The following ZNF236 variants were observed in gnomAD, a reference collection of about 807,000 sequenced individuals.
The protein encoded by ZNF236 is zinc finger protein 236.
A neutral mutation model predicts 191.2 loss-of-function variants in ZNF236; 50 were observed. The ratio of observed to expected loss-of-function variants is 0.26; its 90% CI spans 0.21 to 0.33. The LOEUF is 0.33. Among genes scored for constraint, ZNF236 ranks in the 10% least tolerant of loss-of-function variants. The pLI, the probability that ZNF236 is intolerant of heterozygous loss-of-function variation, is 1.00. For missense variants in ZNF236, 1,754 were observed against 2,374.5 expected, an observed-to-expected ratio of 0.74 and a Z score of 5.43; for synonymous variants, 907 against 928.8, an observed-to-expected ratio of 0.98 and a Z score of 0.43.
intron 1 of ZNF236, among the ~76,000 whole-genome samples, chr18:76,839,366 ACTTT>A (rs1285880109): frequency 6.6e-6 from 1 of 151,624 alleles, no homozygotes; most frequent in Non-Finnish European, 1.5e-5. Flanking sequence ...ATTTCCAGTT[ACTTT>A]CTTTTCTCAT....
chr18:76,968,539 C>T lies in ZNF236; in HGVS notation c.*200C>T. 1 of 1,347,652 alleles carries T rather than the reference C, an allele frequency of 7.4e-7. No homozygotes were observed. Among genetic ancestry groups the T allele is most frequent in the East Asian group, 3.2e-5 (1 of 31,312 alleles). 83.5% of individuals were successfully genotyped at this position (1,347,652 alleles called of 1,614,324 possible). A position where few individuals can be genotyped will look rare whatever the true frequency, so the allele number is the denominator to read the frequency against. On this transcript the variant is annotated 3_prime_UTR_variant, in exon 31 of 31. Coordinates refer to ENST00000320610, the MANE Select transcript of ZNF236 (RefSeq NM_001306089.2). ...AGGAAAAGTGTCACCGCATTGTTCT[C>T]TTTTGTCTACAAATCACTGAACTCA...
intron 20 of ZNF236, among the ~76,000 whole-genome samples, chr18:76,920,644 A>G (rs1967507949): frequency 6.6e-6 from 1 of 152,080 alleles, no homozygotes; most frequent in Non-Finnish European, 1.5e-5. Context: ...AAATGTATCC[A>G]TTGAGGAAGG....
At chr18:76,958,288 T>C (rs1334408197) in intron 28 of ZNF236, among the ~76,000 whole-genome samples, 2 of 152,164 alleles carry the variant, frequency 1.3e-5, no homozygotes, top group Non-Finnish European at 2.9e-5. Context: ...GAGAACTAGG[T>C]TTACGTAACC....
At chr18:76,944,220 G>A (rs1256015118) in intron 26 of ZNF236, among the ~76,000 whole-genome samples, 14 of 152,230 alleles carry the variant, frequency 9.2e-5, no homozygotes, top group African/African-American at 2.9e-4. Context: ...CAGCTGTTGC[G>A]CCATTCCTCT....
rs998948032 is a variant in ZNF236 at position 76,965,931 on chromosome 18, C to T, written c.5420-2284C>T. Among the ~76,000 whole-genome samples, 5 of 152,238 alleles carry T rather than the reference C, an allele frequency of 3.3e-5. No homozygotes were observed. The East Asian group carries it at 5.8e-4, about 18-fold the overall frequency. ...AGTATAGGGAGGAACAGGTGGTGGG[C>T]GGGGCCCTAGACCTCCCAAGAGTAT... On this transcript the variant is annotated intron_variant, in intron 30 of 30. Coordinates refer to ENST00000320610, the MANE Select transcript of ZNF236 (RefSeq NM_001306089.2).
chr18:76,939,999 A>T (rs547315064), intron 26 of ZNF236, among the ~76,000 whole-genome samples: 1 of 145,956 alleles, frequency 6.9e-6, no homozygotes, highest in Admixed American at 6.8e-5. Context: ...GGGCTACCCT[A>T]GCACTGCATT....
intron 30 of ZNF236, among the ~76,000 whole-genome samples, chr18:76,963,338 GTTTTTGT>G (rs1968705107): frequency 6.6e-6 from 1 of 152,112 alleles, no homozygotes; most frequent in African/African-American, 2.4e-5. Context: ...TGATCATGTG[GTTTTTGT>G]TTTTAATTCT....
At chr18:76,854,326 C>A (rs918053978) in intron 3 of ZNF236, among the ~76,000 whole-genome samples, 3 of 152,072 alleles carry the variant, frequency 2.0e-5, no homozygotes, top group African/African-American at 7.2e-5. Context: ...TTTTTAAATA[C>A]AAAAATAGGA....
intron 26 of ZNF236, among the ~76,000 whole-genome samples, chr18:76,943,903 C>T (rs1048916553): frequency 2.6e-5 from 4 of 152,048 alleles, no homozygotes; most frequent in East Asian, 3.8e-4. Context: ...GTGTATAGGC[C>T]GGTAAAATTA....
At chr18:76,926,729 A>T (rs1275360167) in intron 22 of ZNF236, among the ~76,000 whole-genome samples, 1 of 8,158 alleles carries the variant, frequency 1.2e-4, no homozygotes, top group African/African-American at 4.4e-4. Flanking sequence ...TGATTAGACC[A>T]TGTGTGTGTA....
intron 3 of ZNF236, among the ~76,000 whole-genome samples, chr18:76,864,936 A>G (rs1367828824): frequency 2.0e-5 from 3 of 152,190 alleles, no homozygotes; most frequent in Non-Finnish European, 4.4e-5. Context: ...TAATCCAGGA[A>G]GGGAAGAAGA....
chr18:76,900,015 AG>A (rs1977544043), intron 11 of ZNF236, among the ~76,000 whole-genome samples: 1 of 152,200 alleles, frequency 6.6e-6, no homozygotes, highest in Admixed American at 6.5e-5. Context: ...TGAATTTTGG[AG>A]GACCACAAAC....
rs530708368 is a variant in ZNF236, at chr18:76,956,192, C to T, written c.5112+10C>T. On this transcript the variant is annotated intron_variant, in intron 28 of 30. Transcript: ENST00000320610. ...CGCCACGCACCTCAAGGTAGGCCCACTGTGCCAGGGCACAGCTGTGTGCCC... is the reference window on the plus strand; with the variant it reads ...CGCCACGCACCTCAAGGTAGGCCCATTGTGCCAGGGCACAGCTGTGTGCCC... 5 of 1,544,070 alleles carry T rather than the reference C, an allele frequency of 3.2e-6. No homozygotes were observed. The Admixed American group carries it at 9.8e-5, about 30-fold the overall frequency.
intron 26 of ZNF236, among the ~76,000 whole-genome samples, chr18:76,946,171 G>A (rs543104954): frequency 2.6e-5 from 4 of 152,282 alleles, no homozygotes; most frequent in African/African-American, 9.6e-5. Flanking sequence ...ATTCATGGGG[G>A]CAAGTCTTTC....
intron 1 of ZNF236, chr18:76,834,485 CT>C: frequency 2.4e-6 from 1 of 411,294 alleles, no homozygotes; most frequent in Non-Finnish European, 4.7e-6. Context: ...TACTTTTCTA[CT>C]TGGCGAGATT....
chr18:76,925,628 G>A lies in ZNF236; in HGVS notation c.4027+74G>A, dbSNP rs1414535714. The A allele has an allele frequency of 4.6e-6, 7 of 1,529,762 alleles. No homozygotes were observed. Among genetic ancestry groups the A allele is most frequent in the East Asian group, 2.3e-5 (1 of 43,860 alleles). The allele number at this position is 1,529,762 out of a possible 1,614,324, so 94.8% of individuals were successfully genotyped here. On this transcript the variant is annotated intron_variant, in intron 22 of 30. Transcript: ENST00000320610. This position sits in a 1 kb window ranked among gnomAD's most constrained non-coding sequence, Gnocchi z 5.7. ...CTGTGCTGCTTCTGTCTGTTCCCAC[G>A]ACAGAAGAGATGTTGTTTACCGTAG...
chr18:76,943,139 AAAAG>A (rs1421764699), intron 26 of ZNF236, among the ~76,000 whole-genome samples: 17 of 151,240 alleles, frequency 1.1e-4, no homozygotes, highest in Non-Finnish European at 1.8e-4. Flanking sequence ...AAAAAAAAAA[AAAAG>A]AAGAGCAAAT....
In ZNF236 at chr18:76,927,234, G is replaced by T; in HGVS notation, c.4174-43G>T. 6.2e-7 allele frequency: 1 copy of T among 1,611,814 alleles called. No homozygotes were observed. Among genetic ancestry groups the T allele is most frequent in the East Asian group, 2.2e-5 (1 of 44,818 alleles). Reference sequence around the variant, plus strand: ...GCTGTAATTCTCTTGGCATCACAGAGAAGCATGAAGTTTTCATTACAAGTA... The same window carrying T: ...GCTGTAATTCTCTTGGCATCACAGATAAGCATGAAGTTTTCATTACAAGTA... On this transcript the variant is annotated intron_variant, in intron 23 of 30. Coordinates refer to ENST00000320610, the MANE Select transcript of ZNF236 (RefSeq NM_001306089.2). The surrounding 1 kb of genome is among the most constrained non-coding windows in gnomAD (Gnocchi z 5.4).
chr18:76,903,681 C>T (rs546392373), intron 11 of ZNF236, among the ~76,000 whole-genome samples: 4 of 152,082 alleles, frequency 2.6e-5, no homozygotes, highest in South Asian at 2.1e-4. Context: ...TTAAGGAATT[C>T]GAAAGTTTAC....
Sources: allele counts gnomAD v4.1 joint callset (sites outside exome capture counted in the v4.1 genomes callset), GRCh38; gene constraint gnomAD v4.1.1; non-coding constraint Gnocchi (gnomAD v3.1); transcripts MANE v1.5; gene names NCBI Gene and HGNC (gene_info 2026-07-23, HGNC 2026-07-21).